AHCTF1: variants seen among roughly 807,000 people sequenced by gnomAD.
The protein encoded by AHCTF1 is AT-hook containing transcription factor 1, also known as protein ELYS.
Under a neutral mutation model 248.4 loss-of-function variants are expected in AHCTF1, and 24 were observed. That is an observed-to-expected ratio of 0.10 (90% CI 0.07 to 0.14). The LOEUF (loss-of-function observed/expected upper bound fraction) is 0.14. AHCTF1 is among the 10% of genes least tolerant of loss of function. The pLI is 1.00. For missense variants in AHCTF1, 2,206 were observed against 2,636.2 expected (o/e 0.84, Z 3.57); for synonymous variants, 786 against 929.8 (o/e 0.85, Z 2.81).
intron 1 of AHCTF1, among the ~76,000 whole-genome samples, chr1:246,922,765 G>A (rs1387507905): frequency 1.3e-5 from 2 of 149,962 alleles, no homozygotes; most frequent in African/African-American, 2.4e-5. Context: ...GGCGGATCAC[G>A]AGGTCAGGAG....
In AHCTF1 at chr1:246,849,758, C is replaced by A; in HGVS notation, c.6248G>T (p.Arg2083Ile). Residue 2083 changes from arginine to isoleucine, a missense_variant, in exon 33 of 36, where the codon AGA (arginine) becomes ATA (isoleucine). Physicochemically the swap from Arg to Ile is moderately conservative, Grantham distance 97. Transcript: ENST00000648844. The stretch of plus-strand genomic sequence containing the variant: ...AGTGAAGGAAGCTGTGGCGAGCAAT[C>A]TTTCTTCCTGCTCATTTGTTTCTTT... ...THKETNEQEE[R>I]LLATASFTKS... is the part of the protein sequence containing the mutation. The A allele has an allele frequency of 2.5e-6, 4 of 1,613,968 alleles. No homozygotes were observed. Among genetic ancestry groups the A allele is most frequent in the Non-Finnish European group, 3.4e-6 (4 of 1,179,878 alleles).
intron 31 of AHCTF1, among the ~76,000 whole-genome samples, chr1:246,854,713 T>C (rs1170559623): frequency 6.6e-6 from 1 of 152,186 alleles, no homozygotes; most frequent in Non-Finnish European, 1.5e-5. Flanking sequence ...ATGGGTCTTA[T>C]TAATATTCCC....
chr1:246,893,692 C>A (rs994878151), intron 14 of AHCTF1, among the ~76,000 whole-genome samples: 2 of 152,150 alleles, frequency 1.3e-5, no homozygotes, highest in African/African-American at 2.4e-5. Flanking sequence ...TTTTACCCTG[C>A]CATTCAACTT....
In AHCTF1 at chr1:246,851,320, T is replaced by C; in HGVS notation, c.4686A>G (p.Gln1562=). The C allele has an allele frequency of 6.2e-7, 1 of 1,614,084 alleles. No homozygotes were observed. The highest frequency in any genetic ancestry group is 8.5e-7 in the Non-Finnish European group (1 of 1,179,980). The change falls in exon 33 of 36, where the codon CAA becomes CAG. Residue 1562 remains glutamine (Q), a synonymous_variant. Coordinates refer to ENST00000648844, the MANE Select transcript of AHCTF1 (RefSeq NM_001323342.2). ...KLQYNFDTID[Q]QFCDLADNKD... The stretch of plus-strand genomic sequence containing the variant: ...TGTTATCAGCTAAGTCACAAAACTG[T>C]TGGTCAATAGTATCAAAATTGTACT...
rs142153444 is a variant in AHCTF1 at position 246,873,550 on chromosome 1, A to G, written c.3088+2487T>C. On this transcript the variant is annotated intron_variant, in intron 24 of 35. Transcript: ENST00000648844. The stretch of plus-strand genomic sequence containing the variant: ...CAGTGAAGGGAAAGAATCCGTCCCA[A>G]TAATAAATATACTAGAGACAATACA... Among the ~76,000 whole-genome samples, 1,372 of 152,312 alleles carry G rather than the reference A, an allele frequency of 9.0e-3. 45 individuals carry two copies. The highest frequency in any genetic ancestry group is 0.048 in the Admixed American group (733 of 15,292).
At chr1:246,921,336 C>T (rs1666538509) in intron 1 of AHCTF1, among the ~76,000 whole-genome samples, 1 of 152,140 alleles carries the variant, frequency 6.6e-6, no homozygotes, top group African/African-American at 2.4e-5. Flanking sequence ...GAACTTGGTG[C>T]TGAGTACACA....
intron 26 of AHCTF1, among the ~76,000 whole-genome samples, chr1:246,864,982 A>G (rs187354153): frequency 4.6e-5 from 7 of 152,126 alleles, no homozygotes; most frequent in Non-Finnish European, 7.4e-5. Flanking sequence ...TTAAGATTCT[A>G]CTACAAGGTT....
intron 1 of AHCTF1, among the ~76,000 whole-genome samples, chr1:246,926,127 T>C (rs1278909594): frequency 2.0e-5 from 3 of 151,286 alleles, no homozygotes; most frequent in Non-Finnish European, 4.4e-5. Context: ...CCCTTTGCCT[T>C]CTGACATGAT....
In AHCTF1 at chr1:246,849,708, G is replaced by A. The variant is rs755918895; in HGVS notation, c.6298C>T (p.Arg2100Trp). 29 of 1,613,864 alleles carry A rather than the reference G, an allele frequency of 1.8e-5. No homozygotes were observed. The highest frequency in any genetic ancestry group is 1.6e-4 in the Middle Eastern group (1 of 6,078). Residue 2100 changes from arginine (R) to tryptophan (W), a missense_variant, in exon 33 of 36, where the codon CGG becomes TGG. Physicochemically the swap from Arg to Trp is moderately radical, Grantham distance 101. This residue lies in a region of AHCTF1 where 469 missense variants were observed against 470.0 expected (regional missense o/e 1.00). Coordinates refer to ENST00000648844, the MANE Select transcript of AHCTF1 (RefSeq NM_001323342.2). ...GGCAACAAGATGGCCTTGCTAGACC[G>A]AGTCCTGCTGCTGCGGGATGATTTA... ...FTKSSRSSRT[R>W]SSKAILLPDL...
intron 35 of AHCTF1, among the ~76,000 whole-genome samples, chr1:246,841,214 G>A (rs376888811): frequency 2.6e-5 from 4 of 152,018 alleles, no homozygotes; most frequent in East Asian, 3.9e-4. Context: ...TTTCATTTTC[G>A]ATCAGAATAT....
chr1:246,909,807 G>A (rs1478699355), intron 4 of AHCTF1, among the ~76,000 whole-genome samples: 1 of 152,204 alleles, frequency 6.6e-6, no homozygotes, highest in Non-Finnish European at 1.5e-5. Context: ...CTACCCTGCA[G>A]AGGGCTATCC....
At chr1:246,922,848 T>A (rs991950454) in intron 1 of AHCTF1, among the ~76,000 whole-genome samples, 1 of 150,514 alleles carries the variant, frequency 6.6e-6, no homozygotes, top group Non-Finnish European at 1.5e-5. Flanking sequence ...CCGGGCGTGG[T>A]GGCAGGCGCC....
In AHCTF1 at chr1:246,877,245, C is replaced by T. The variant is rs746493325; in HGVS notation, c.2718G>A (p.Glu906=). The part of the protein sequence containing the change: ...LRQHCNRLNI[E]ELLKHMYEVC... ...CTTCATACATGTGCTTCAGTAACTC[C>T]TCTATATTCAACCTATTGCAATGTT... Residue 906 remains glutamate (E), a synonymous_variant, in exon 22 of 36, where the codon GAG becomes GAA. Transcript: ENST00000648844. The T allele has an allele frequency of 3.1e-6, 5 of 1,612,964 alleles. No homozygotes were observed. In the African/African-American group the frequency reaches 6.7e-5, roughly 22 times the overall value.
At chr1:246,880,565 C>CT (rs1663325471) in intron 21 of AHCTF1, among the ~76,000 whole-genome samples, 1 of 129,456 alleles carries the variant, frequency 7.7e-6, no homozygotes, top group African/African-American at 3.0e-5. Flanking sequence ...GAGACTCCAG[C>CT]TCAAAAAAAA....
intron 20 of AHCTF1, among the ~76,000 whole-genome samples, chr1:246,886,616 T>C (rs1315831128): frequency 6.6e-6 from 1 of 152,124 alleles, no homozygotes; most frequent in Non-Finnish European, 1.5e-5. Flanking sequence ...ATTTCTGATC[T>C]ACAGTTGATT....
At chr1:246,926,957 G>C (rs993552593) in intron 1 of AHCTF1, among the ~76,000 whole-genome samples, 2 of 151,236 alleles carry the variant, frequency 1.3e-5, no homozygotes, top group Non-Finnish European at 2.9e-5. Context: ...GGCGGATCAC[G>C]AGGTCAGGAG....
intron 1 of AHCTF1, among the ~76,000 whole-genome samples, chr1:246,927,010 T>C (rs1318398488): frequency 6.6e-6 from 1 of 151,590 alleles, no homozygotes; most frequent in Non-Finnish European, 1.5e-5. Context: ...CCGTCTCTAC[T>C]AAAAATACAG....
At chr1:246,875,991 C>A in intron 24 of AHCTF1, 46 bp downstream of exon 24, 1 of 1,508,708 alleles carries the variant, frequency 6.6e-7, no homozygotes, top group African/African-American at 1.4e-5. Context: ...CATTCAGTAT[C>A]TTTTTTGATC....
chr1:246,842,616 AAGG>A, intron 35 of AHCTF1, 75 bp downstream of exon 35: 1 of 1,045,920 alleles, frequency 9.6e-7, no homozygotes, highest in African/African-American at 1.7e-5. Context: ...AAAATAATAA[AAGG>A]AGGATAGTAG....
Sources: allele counts gnomAD v4.1 joint callset (sites outside exome capture counted in the v4.1 genomes callset), GRCh38; gene constraint gnomAD v4.1.1; regional missense constraint gnomAD v4.1.1; transcripts MANE v1.5; gene names NCBI Gene and HGNC (gene_info 2026-07-23, HGNC 2026-07-21).